The following MNAT1 variants were observed in gnomAD, a reference collection of about 807,000 sequenced individuals.
The protein encoded by MNAT1 is CDK-activating kinase assembly factor MAT1.
A neutral mutation model predicts 42.0 loss-of-function variants in MNAT1; 43 were observed. The ratio of observed to expected loss-of-function variants is 1.02; its 90% CI spans 0.80 to 1.32. MNAT1 has a LOEUF of 1.32. MNAT1 is among the 40% of genes most tolerant of loss of function. MNAT1 has a pLI of 0.00. For missense variants in MNAT1, 306 were observed against 350.4 expected (o/e 0.87, Z 1.01); for synonymous variants, 118 against 120.0 (o/e 0.98, Z 0.11).
intron 3 of MNAT1, among the ~76,000 whole-genome samples, chr14:60,800,521 C>T (rs2032168876): frequency 6.6e-6 from 1 of 152,104 alleles, no homozygotes; most frequent in South Asian, 2.1e-4. Context: ...ACCTAGGCAA[C>T]AGAGCATGCC....
rs532967727 is a variant in MNAT1 at position 60,944,468 on chromosome 14, A to G, written c.810-23761A>G. On this transcript the variant is annotated intron_variant, in intron 7 of 7. Transcript: ENST00000261245. ...AGGAAGAGAGCCCTCGCCAGCAACC[A>G]AATCAGCCAGGACTTCCTAGACTCC... Among the ~76,000 whole-genome samples, 31 of 152,328 alleles carry G rather than the reference A, an allele frequency of 2.0e-4. 1 individual carries two copies. The highest frequency in any genetic ancestry group is 6.8e-3 in the Middle Eastern group (2 of 294).
chr14:60,930,326 A>G (rs2035860572), intron 7 of MNAT1, among the ~76,000 whole-genome samples: 3 of 151,282 alleles, frequency 2.0e-5, no homozygotes, highest in Non-Finnish European at 2.9e-5. Flanking sequence ...CCATCTCACT[A>G]TACTCTACCC....
chr14:60,872,869 CAT>C (rs759441466), intron 6 of MNAT1, among the ~76,000 whole-genome samples: 14,825 of 138,092 alleles, frequency 0.11, 977 homozygotes, highest in African/African-American at 0.22. Flanking sequence ...CACACACACA[CAT>C]ATATATATGC....
intron 7 of MNAT1, among the ~76,000 whole-genome samples, chr14:60,950,206 G>A (rs981908664): frequency 6.6e-6 from 1 of 152,112 alleles, no homozygotes; most frequent in Admixed American, 6.6e-5. Flanking sequence ...CTTTGAGTGT[G>A]TCTAGTCCTG....
chr14:60,892,646 A>C (rs2034870654), intron 7 of MNAT1, among the ~76,000 whole-genome samples: 1 of 152,066 alleles, frequency 6.6e-6, no homozygotes. Flanking sequence ...TTTGTTTTAC[A>C]TGTGCCTTAT....
At chr14:60,904,561 GAC>G (rs2035151893) in intron 7 of MNAT1, among the ~76,000 whole-genome samples, 1 of 152,158 alleles carries the variant, frequency 6.6e-6, no homozygotes, top group Non-Finnish European at 1.5e-5. Flanking sequence ...TCAACAGTCA[GAC>G]ACAGGGCAGC....
At chr14:60,808,622 G>C (rs1204517947) in intron 4 of MNAT1, 194 bp downstream of exon 4, 1 of 387,084 alleles carries the variant, frequency 2.6e-6, no homozygotes, top group Non-Finnish European at 4.7e-6. Flanking sequence ...AAACCACTTT[G>C]ACAGCATTAT....
chr14:60,784,926 C>T (rs1183690151), intron 1 of MNAT1, among the ~76,000 whole-genome samples: 1 of 151,876 alleles, frequency 6.6e-6, no homozygotes, highest in East Asian at 1.9e-4. Context: ...GATCTCAGCT[C>T]ACTGCAACCT....
chr14:60,925,466 A>T (rs1216267422), intron 7 of MNAT1, among the ~76,000 whole-genome samples: 3 of 152,170 alleles, frequency 2.0e-5, no homozygotes, highest in African/African-American at 7.2e-5. Context: ...AGAGTGCTGT[A>T]CAGGATGTCT....
intron 7 of MNAT1, among the ~76,000 whole-genome samples, chr14:60,894,960 C>A (rs1370304312): frequency 6.6e-6 from 1 of 152,104 alleles, no homozygotes; most frequent in African/African-American, 2.4e-5. Flanking sequence ...GTAGTGATAT[C>A]AGAATTGCTA....
At chr14:60,821,031 C>T (rs796159981) in intron 6 of MNAT1, among the ~76,000 whole-genome samples, 41 of 150,122 alleles carry the variant, frequency 2.7e-4, no homozygotes, top group African/African-American at 9.7e-4. Context: ...ACAAAAGATA[C>T]TGTTAAGAGA....
intron 6 of MNAT1, among the ~76,000 whole-genome samples, chr14:60,851,560 C>G (rs1201292308): frequency 2.0e-5 from 3 of 151,946 alleles, no homozygotes; most frequent in Non-Finnish European, 4.4e-5. Context: ...ACTTTAAGTT[C>G]CGGCATACAT....
intron 6 of MNAT1, among the ~76,000 whole-genome samples, chr14:60,843,850 C>A (rs976001769): frequency 6.6e-6 from 1 of 152,136 alleles, no homozygotes; most frequent in African/African-American, 2.4e-5. Flanking sequence ...TGTGTCCTAT[C>A]TAAGGAACCT....
rs1328975270 is a variant in MNAT1 at position 60,740,012 on chromosome 14, G to T, written c.89+5061G>T. Among the ~76,000 whole-genome samples, 3 of 152,148 alleles carry T rather than the reference G, an allele frequency of 2.0e-5. No individual in the cohort carries two copies. The highest frequency in any genetic ancestry group is 7.2e-5 in the African/African-American group (3 of 41,422). ...CTACTAAAAATACAATAATTAGCTG[G>T]GTGTGGTGGCATGGGCATGTAATCC... On this transcript the variant is annotated intron_variant, in intron 1 of 7. Transcript: ENST00000261245. This position sits in a 1 kb window ranked among gnomAD's most constrained non-coding sequence, Gnocchi z 4.1.
chr14:60,961,011 G>A (rs1381262359), intron 7 of MNAT1, among the ~76,000 whole-genome samples: 1 of 151,646 alleles, frequency 6.6e-6, no homozygotes, highest in African/African-American at 2.4e-5. Context: ...TGCCCAGGCT[G>A]GAGTGCAATG....
intron 6 of MNAT1, among the ~76,000 whole-genome samples, chr14:60,863,319 T>C (rs1229317671): frequency 6.6e-6 from 1 of 152,182 alleles, no homozygotes; most frequent in East Asian, 1.9e-4. Flanking sequence ...ATGACTCTTT[T>C]CTCGTTTCTT....
chr14:60,946,217 A>C (rs939378953), intron 7 of MNAT1, among the ~76,000 whole-genome samples: 1 of 152,178 alleles, frequency 6.6e-6, no homozygotes, highest in Non-Finnish European at 1.5e-5. Flanking sequence ...TTAAAACCAC[A>C]TAGTCGCTTC....
chr14:60,805,430 G>A (rs568860911), intron 3 of MNAT1, among the ~76,000 whole-genome samples: 31 of 152,064 alleles, frequency 2.0e-4, no homozygotes, highest in Non-Finnish European at 3.2e-4. Flanking sequence ...AAAGTCTGTA[G>A]TTTACACTAG....
At chr14:60,896,873 CTT>C (rs1205512208) in intron 7 of MNAT1, among the ~76,000 whole-genome samples, 1 of 151,992 alleles carries the variant, frequency 6.6e-6, no homozygotes, top group Non-Finnish European at 1.5e-5. Flanking sequence ...AAAAAAAAGA[CTT>C]GTTGGCAAAG....
Sources: allele counts gnomAD v4.1 joint callset (sites outside exome capture counted in the v4.1 genomes callset), GRCh38; gene constraint gnomAD v4.1.1; non-coding constraint Gnocchi (gnomAD v3.1); transcripts MANE v1.5; gene names NCBI Gene and HGNC (gene_info 2026-07-23, HGNC 2026-07-21).